Variants in PPP1R13B observed in about 807,000 individuals in gnomAD.
PPP1R13B encodes the protein protein phosphatase 1 regulatory subunit 13B.
PPP1R13B carries 44 observed loss-of-function variants against 119.8 expected under a neutral mutation model. The ratio of observed to expected loss-of-function variants is 0.37; its 90% confidence interval spans 0.29 to 0.47. PPP1R13B has a LOEUF of 0.47. Ranked by LOEUF, PPP1R13B falls within the 20% of genes least tolerant of loss-of-function variation. The pLI is 0.99. For missense variants in PPP1R13B, 1,227 were observed against 1,413.5 expected (o/e 0.87, Z 2.12); for synonymous variants, 542 against 561.5 (o/e 0.97, Z 0.49).
At chr14:103,795,262 C>T (rs1020565986) in intron 2 of PPP1R13B, among the ~76,000 whole-genome samples, 5 of 152,004 alleles carry the variant, frequency 3.3e-5, no homozygotes, top group African/African-American at 7.2e-5. Context: ...ATAAATACAA[C>T]GACAGTATTA....
intron 1 of PPP1R13B, among the ~76,000 whole-genome samples, chr14:103,800,553 C>A (rs2085873972): frequency 6.6e-6 from 1 of 151,614 alleles, no homozygotes; most frequent in Non-Finnish European, 1.5e-5. Context: ...ACTCAGGAGG[C>A]TGAGGCATGA....
chr14:103,775,012 G>A (rs547764455), intron 4 of PPP1R13B, among the ~76,000 whole-genome samples: 1 of 152,116 alleles, frequency 6.6e-6, no homozygotes, highest in South Asian at 2.1e-4. Flanking sequence ...TTTCAATTTT[G>A]TTGATCTTGA....
chr14:103,747,234 AC>A (rs2084408205), intron 8 of PPP1R13B: 2 of 152,104 alleles, frequency 1.3e-5, no homozygotes, highest in African/African-American at 2.4e-5. Flanking sequence ...AGGATCCATA[AC>A]CCCTGTGATT....
chr14:103,844,794 A>T (rs1212919300), intron 1 of PPP1R13B, among the ~76,000 whole-genome samples: 3 of 152,184 alleles, frequency 2.0e-5, no homozygotes, highest in Admixed American at 6.5e-5. Flanking sequence ...AATAAAATAA[A>T]ATATACTCTA....
chr14:103,761,274 TAAAAAAAAAAAAAAA>T (rs59281762), intron 4 of PPP1R13B, among the ~76,000 whole-genome samples: 3 of 104,708 alleles, frequency 2.9e-5, no homozygotes, highest in South Asian at 3.3e-4. Context: ...ACCCTATATT[TAAAAAAAAAAAAAAA>T]AAAAAAAAAA....
intron 1 of PPP1R13B, chr14:103,818,601 C>T (rs568198349): frequency 1.8e-6 from 1 of 563,216 alleles, no homozygotes; most frequent in South Asian, 7.8e-5. Flanking sequence ...CTTCAGATGA[C>T]AATTCTTTCT....
chr14:103,805,208 A>G (rs550938671), intron 1 of PPP1R13B, among the ~76,000 whole-genome samples: 77 of 152,298 alleles, frequency 5.1e-4, no homozygotes, highest in African/African-American at 1.8e-3. Context: ...CCCTGGGGAA[A>G]TAAAAATATA....
intron 1 of PPP1R13B, among the ~76,000 whole-genome samples, chr14:103,826,759 A>T (rs1467461922): frequency 6.6e-6 from 1 of 151,262 alleles, no homozygotes; most frequent in East Asian, 1.9e-4. Flanking sequence ...CTGTAATCCC[A>T]GCACTTTGGG....
intron 3 of PPP1R13B, among the ~76,000 whole-genome samples, chr14:103,781,445 A>G (rs1191815494): frequency 5.3e-5 from 8 of 152,174 alleles, no homozygotes; most frequent in Admixed American, 5.2e-4. Context: ...TATGCTACGG[A>G]AAGATGATTT....
intron 4 of PPP1R13B, among the ~76,000 whole-genome samples, chr14:103,778,350 C>A (rs2085259902): frequency 1.3e-5 from 2 of 150,326 alleles, no homozygotes; most frequent in Non-Finnish European, 3.0e-5. Context: ...CAACCTCTGC[C>A]TCCCGGGTTC....
rs192601613 is a variant in PPP1R13B at position 103,764,858 on chromosome 14, C to T, written c.355-7107G>A. On this transcript the variant is annotated intron_variant, in intron 4 of 16. Coordinates refer to ENST00000202556, the MANE Select transcript of PPP1R13B (RefSeq NM_015316.3). ...TGTTTGAGATGGAGTCTCGCTCTGT[C>T]GCCCAGGCTGGACTGCAGTGGCGGA... Among the ~76,000 whole-genome samples, 904 of 152,208 alleles carry T rather than the reference C, an allele frequency of 5.9e-3. 11 individuals carry two copies. Among genetic ancestry groups the T allele is most frequent in the African/African-American group, 0.02 (851 of 41,520 alleles).
rs558155108 is a variant in PPP1R13B at position 103,801,270 on chromosome 14, A to C, written c.10-3752T>G. 9.2e-5 allele frequency among the ~76,000 whole-genome samples: 14 copies of C among 152,286 alleles called. 1 individual carries two copies. The South Asian group carries it at 2.9e-3, about 32-fold the overall frequency. On this transcript the variant is annotated intron_variant, in intron 1 of 16. Transcript: ENST00000202556. ...CTTCGCTGGTATATAAGCAGGAGAT[A>C]GGTTTCTTAACTGAGCACTCCTTAA...
At position 103,742,845 on chromosome 14, in the gene PPP1R13B, A is replaced by T. The variant is rs561749234; in HGVS notation, c.1151-22T>A. ...TTAGCTTGAAAAGAACACAGAACTT[A>T]CGTAAAACTTTTCTCAATGTAGTTG... On this transcript the variant is annotated intron_variant, in intron 9 of 16. Transcript: ENST00000202556. This position sits in a 1 kb window ranked among gnomAD's most constrained non-coding sequence, Gnocchi z 4.9. The T allele has an allele frequency of 6.2e-7, 1 of 1,612,758 alleles. No individual in the cohort carries two copies. The highest frequency in any genetic ancestry group is 8.5e-7 in the Non-Finnish European group (1 of 1,179,216).
intron 2 of PPP1R13B, among the ~76,000 whole-genome samples, chr14:103,787,265 A>C (rs1047667119): frequency 6.6e-6 from 1 of 151,178 alleles, no homozygotes; most frequent in Non-Finnish European, 1.5e-5. Flanking sequence ...CCTGGACAAC[A>C]TGGTGAAACC....
Position 103,740,626 on chromosome 14 carries a change from C to T in PPP1R13B, c.1823-33G>A. On this transcript the variant is annotated intron_variant, in intron 11 of 16. Transcript: ENST00000202556. The surrounding 1 kb of genome is among the most constrained non-coding windows in gnomAD (Gnocchi z 4.6). ...AGACACAAAGGACAGGCAATTTTGA[C>T]CTCACTACAGAGATCTAGTCATACA... The T allele has an allele frequency of 4.7e-6, 7 of 1,479,440 alleles. No homozygotes were observed. In the South Asian group the frequency reaches 8.4e-5, roughly 18 times the overall value. The allele number at this position is 1,479,440 out of a possible 1,614,324, so 91.6% of individuals were successfully genotyped here. A position where few individuals can be genotyped will look rare whatever the true frequency, so the allele number is the denominator to read the frequency against.
rs143780127 is a variant in PPP1R13B at position 103,825,798 on chromosome 14, C to T, written c.9+21501G>A. Among the ~76,000 whole-genome samples the T allele has an allele frequency of 2.1e-3, 323 of 151,664 alleles. 2 individuals carry two copies. Among genetic ancestry groups the T allele is most frequent in the African/African-American group, 6.9e-3 (284 of 41,404 alleles). Reference sequence around the variant, plus strand: ...CAGAAGATCCAGCTACAATCACTGACGAAGGTGACTACACTAAACAACACT... The same window carrying T: ...CAGAAGATCCAGCTACAATCACTGATGAAGGTGACTACACTAAACAACACT... On this transcript the variant is annotated intron_variant, in intron 1 of 16. Transcript: ENST00000202556.
intron 1 of PPP1R13B, among the ~76,000 whole-genome samples, chr14:103,809,889 C>T (rs544917476): frequency 5.5e-4 from 83 of 151,430 alleles, no homozygotes; most frequent in African/African-American, 1.9e-3. Flanking sequence ...TGCAGTGGCA[C>T]GATCTCGGCT....
intron 2 of PPP1R13B, among the ~76,000 whole-genome samples, chr14:103,796,428 T>A (rs1008727370): frequency 1.3e-5 from 2 of 152,146 alleles, no homozygotes; most frequent in African/African-American, 2.4e-5. Flanking sequence ...ATAAGACATA[T>A]CTTCACAACT....
chr14:103,746,600 G>C, intron 8 of PPP1R13B, 47 bp from the exon 9 acceptor site: 1 of 1,489,484 alleles, frequency 6.7e-7, no homozygotes, highest in Non-Finnish European at 9.1e-7. Flanking sequence ...TACATTCAAA[G>C]AAGTCCTAAG....
Sources: gnomAD v4.1 joint callset for allele counts (sites outside exome capture counted in the v4.1 genomes callset) on GRCh38, gnomAD v4.1.1 for gene constraint, Gnocchi (gnomAD v3.1) non-coding constraint, MANE v1.5 for transcripts, NCBI Gene and HGNC (gene_info 2026-07-23, HGNC 2026-07-21) for gene names.